SLC2A9: variants seen among roughly 807,000 people sequenced by gnomAD.
SLC2A9 encodes solute carrier family 2 member 9, also known as solute carrier family 2, facilitated glucose transporter member 9.
In SLC2A9, 39 loss-of-function variants were observed where a neutral mutation model predicts 50.6. The ratio of observed to expected loss-of-function variants is 0.77; its 90% confidence interval spans 0.60 to 1.01. SLC2A9 has a LOEUF of 1.01. SLC2A9 is among the 50% of genes least tolerant of loss of function. SLC2A9 has a pLI of 0.00. For synonymous variants in SLC2A9, 324 were observed against 276.9 expected, an observed-to-expected ratio of 1.17 and a Z score of -1.69; for missense variants, 686 against 677.6, an observed-to-expected ratio of 1.01 and a Z score of -0.14.
At chr4:9,938,323 GTGC>G (rs1747485088) in intron 6 of SLC2A9, among the ~76,000 whole-genome samples, 1 of 146,082 alleles carries the variant, frequency 6.8e-6, no homozygotes, top group Non-Finnish European at 1.5e-5. Flanking sequence ...CCAGGCTGGA[GTGC>G]AGTGGTGTGA....
At chr4:10,033,227 C>A (rs966951462) in intron 1 of SLC2A9, among the ~76,000 whole-genome samples, 10 of 152,200 alleles carry the variant, frequency 6.6e-5, no homozygotes, top group Non-Finnish European at 1.5e-4. Flanking sequence ...TGTCTTGCAA[C>A]AGATGGGATA....
rs1320462933 is a variant in SLC2A9 at position 9,929,457 on chromosome 4, CA to C, written c.815-8886del. Among the ~76,000 whole-genome samples the C allele has an allele frequency of 1.4e-4, 21 of 152,320 alleles. No homozygotes were observed. In the East Asian group the frequency reaches 3.7e-3, roughly 27 times the overall value. ...GCATTTATCTGCCAGCTCCTGCCCC[CA>C]GGGGTATTAACTCCCTGAATGTCTA... On this transcript the variant is annotated intron_variant, in intron 6 of 11. Coordinates refer to ENST00000264784, the MANE Select transcript of SLC2A9 (RefSeq NM_020041.3).
chr4:9,847,212 A>G (rs1360506911), intron 10 of SLC2A9, among the ~76,000 whole-genome samples: 1 of 152,236 alleles, frequency 6.6e-6, no homozygotes, highest in African/African-American at 2.4e-5. Flanking sequence ...ATTGACTTAC[A>G]GTTCTGCACG....
intron 3 of SLC2A9, among the ~76,000 whole-genome samples, chr4:9,802,644 C>A (rs1721604545): frequency 6.8e-6 from 1 of 146,028 alleles, no homozygotes; most frequent in Admixed American, 7.0e-5. Context: ...TCACTGCAAA[C>A]CTTTACCTCA....
chr4:9,886,464 GTGTGTGTGTGC>G (rs1560241144), intron 10 of SLC2A9, among the ~76,000 whole-genome samples: 2 of 124,470 alleles, frequency 1.6e-5, no homozygotes, highest in African/African-American at 7.2e-5. Context: ...GTGTGTGTGT[GTGTGTGTGTGC>G]TGTGTGCATG....
chr4:9,825,291 C>A (rs1260901949), downstream of SLC2A9, among the ~76,000 whole-genome samples: 3 of 152,186 alleles, frequency 2.0e-5, no homozygotes, highest in African/African-American at 7.2e-5. Flanking sequence ...GTTAGAAGAG[C>A]CCCTCAACAT....
At chr4:9,937,518 C>A (rs554432471) in intron 6 of SLC2A9, among the ~76,000 whole-genome samples, 1 of 152,138 alleles carries the variant, frequency 6.6e-6, no homozygotes. Context: ...GGGAGGAGGG[C>A]GCTGGTCTTC....
chr4:9,774,282 C>G (rs186556190), intron 1 of SLC2A9, among the ~76,000 whole-genome samples: 185 of 152,258 alleles, frequency 1.2e-3, no homozygotes, highest in African/African-American at 4.3e-3. Flanking sequence ...CGTGAGCCAC[C>G]ACATCTGGCC....
At chr4:9,838,649 G>T (rs528320450) in intron 10 of SLC2A9, among the ~76,000 whole-genome samples, 59 of 152,140 alleles carry the variant, frequency 3.9e-4, no homozygotes, top group African/African-American at 1.3e-3. Context: ...ACTGGTACAA[G>T]AACACATATA....
At position 9,887,607 on chromosome 4, in the gene SLC2A9, C is replaced by T; in HGVS notation, c.1251G>A (p.Val417=). 1 of 1,567,826 alleles carries T rather than the reference C, an allele frequency of 6.4e-7. No homozygotes were observed. The highest frequency in any genetic ancestry group is 1.7e-4 in the Middle Eastern group (1 of 5,942). Reference sequence around the variant, plus strand: ...AAGAGGCGATGATGGCCAGAATGCCCACGATACTCAGGTAGGGGACCCAGG... The same window carrying T: ...AAGAGGCGATGATGGCCAGAATGCCTACGATACTCAGGTAGGGGACCCAGG... ...HAPWVPYLSI[V]GILAIIASFC... is the part of the protein sequence containing the mutation. The change falls in exon 10 of 12, where the codon GTG becomes GTA. Residue 417 remains valine, a synonymous_variant. Transcript: ENST00000264784.
chr4:9,958,947 G>A (rs1751777130), intron 5 of SLC2A9, among the ~76,000 whole-genome samples: 1 of 151,348 alleles, frequency 6.6e-6, no homozygotes. Context: ...AACAATGATG[G>A]AATTAATAAC....
intron 9 of SLC2A9, among the ~76,000 whole-genome samples, chr4:9,889,986 C>T (rs1384356911): frequency 6.6e-6 from 1 of 152,224 alleles, no homozygotes; most frequent in African/African-American, 2.4e-5. Context: ...TGAAGTACAT[C>T]GCCACCCCTC....
chr4:10,039,455 T>A (rs182977573), intron 1 of SLC2A9, among the ~76,000 whole-genome samples: 5 of 152,200 alleles, frequency 3.3e-5, no homozygotes, highest in African/African-American at 1.2e-4. Context: ...AGTGAACACT[T>A]CTTTTCCCCC....
At chr4:9,888,084 G>A (rs2109749581) in intron 9 of SLC2A9, among the ~76,000 whole-genome samples, 1 of 150,398 alleles carries the variant, frequency 6.6e-6, no homozygotes, top group Admixed American at 6.6e-5. Context: ...CATGGACACA[G>A]GGAGGGGAAC....
intron 1 of SLC2A9, among the ~76,000 whole-genome samples, chr4:10,027,849 C>A (rs1196378568): frequency 6.6e-6 from 1 of 152,180 alleles, no homozygotes; most frequent in Non-Finnish European, 1.5e-5. Context: ...ACACTAGAAG[C>A]ATTCAAATTC....
At position 9,880,720 on chromosome 4, in the gene SLC2A9, T is replaced by C. The variant is rs148012784; in HGVS notation, c.1291+6847A>G. ...GTTTCTTCTGGGAAAACAGCTGTTA[T>C]GGAAAAAGATAACTCGAGAAGCATT... On this transcript the variant is annotated intron_variant, in intron 10 of 11. Coordinates refer to ENST00000264784, the MANE Select transcript of SLC2A9 (RefSeq NM_020041.3). 1.4e-4 allele frequency among the ~76,000 whole-genome samples: 21 copies of C among 152,304 alleles called. No homozygotes were observed. In the East Asian group the frequency reaches 3.9e-3, roughly 28 times the overall value.
intron 7 of SLC2A9, among the ~76,000 whole-genome samples, chr4:9,915,504 G>A (rs1437298794): frequency 6.6e-6 from 1 of 152,218 alleles, no homozygotes; most frequent in Non-Finnish European, 1.5e-5. Flanking sequence ...CCAAAGTGCT[G>A]GGATTACAGG....
intron 5 of SLC2A9, among the ~76,000 whole-genome samples, chr4:9,957,453 A>G (rs975548913): frequency 1.3e-5 from 2 of 152,184 alleles, no homozygotes; most frequent in African/African-American, 4.8e-5. Context: ...GGAGAACCAC[A>G]CTTTTGAAAA....
chr4:9,891,370 C>T (rs1380332501), intron 8 of SLC2A9, among the ~76,000 whole-genome samples: 1 of 152,096 alleles, frequency 6.6e-6, no homozygotes, highest in South Asian at 2.1e-4. Flanking sequence ...TAATTGTAGC[C>T]GAATGTCAGA....
Sources: allele counts gnomAD v4.1 joint callset (sites outside exome capture counted in the v4.1 genomes callset), GRCh38; gene constraint gnomAD v4.1.1; transcripts MANE v1.5; gene names NCBI Gene and HGNC (gene_info 2026-07-23, HGNC 2026-07-21).